PSEN1: variants seen among roughly 807,000 people sequenced by gnomAD.
PSEN1 encodes the protein presenilin 1.
PSEN1 carries 15 observed loss-of-function variants against 53.5 expected under a neutral mutation model. The ratio of observed to expected loss-of-function variants is 0.28; its 90% CI spans 0.19 to 0.43. The LOEUF is 0.43. Among genes scored for constraint, PSEN1 ranks in the 20% least tolerant of loss-of-function variants. PSEN1 has a pLI of 1.00. For synonymous variants in PSEN1, 208 were observed against 209.8 expected (o/e 0.99, Z 0.08); for missense variants, 387 against 571.2 (o/e 0.68, Z 3.29).
At chr14:73,151,826 C>G (rs1897232056) in intron 3 of PSEN1, among the ~76,000 whole-genome samples, 2 of 148,604 alleles carry the variant, frequency 1.3e-5, no homozygotes, top group Non-Finnish European at 3.0e-5. Flanking sequence ...GTCTTGGCCT[C>G]CCAAAGTGCT....
chr14:73,218,460 C>T (rs1032015598), intron 11 of PSEN1, among the ~76,000 whole-genome samples: 1 of 152,030 alleles, frequency 6.6e-6, no homozygotes, highest in African/African-American at 2.4e-5. Flanking sequence ...TTATCTTGGC[C>T]GGGTGAAGAC....
intron 3 of PSEN1, among the ~76,000 whole-genome samples, 154 bp downstream of exon 3, chr14:73,148,260 A>G (rs1897126288): frequency 6.6e-6 from 1 of 152,244 alleles, no homozygotes; most frequent in Admixed American, 6.5e-5. Flanking sequence ...GCTGGAGGAC[A>G]CAGGGCTGTT....
At chr14:73,151,894 A>ATATT (rs1566619471) in intron 3 of PSEN1, among the ~76,000 whole-genome samples, 7 of 38,954 alleles carry the variant, frequency 1.8e-4, no homozygotes, top group South Asian at 1.3e-3. Context: ...ATATATATAT[A>ATATT]TTTTTTTTTT....
intron 4 of PSEN1, 144 bp downstream of exon 4, chr14:73,171,191 G>T: frequency 1.1e-6 from 1 of 938,180 alleles, no homozygotes. Context: ...GAGCAGTTGA[G>T]AGAGCGAGGG....
rs1194501598 is a variant in PSEN1, at chr14:73,184,871, G to A, written c.481-1982G>A. 2.8e-5 allele frequency among the ~76,000 whole-genome samples: 4 copies of A among 145,256 alleles called. No individual in the cohort carries two copies. The East Asian group carries it at 8.4e-4, about 30-fold the overall frequency. ...AGACGGGGCGGCTGCCGGGCGGAGG[G>A]GCTCCTCACTTCTCAGACGGGGCGG... On this transcript the variant is annotated intron_variant, in intron 5 of 11. Transcript: ENST00000324501.
At chr14:73,190,242 A>G (rs1898665171) in intron 6 of PSEN1, among the ~76,000 whole-genome samples, 1 of 151,818 alleles carries the variant, frequency 6.6e-6, no homozygotes, top group South Asian at 2.1e-4. Flanking sequence ...AATCTCACCT[A>G]TTTGGGAGGC....
chr14:73,221,881 T>A lies in PSEN1; in HGVS notation c.*2592T>A, dbSNP rs527811026. 6.6e-6 allele frequency: 1 copy of A among 152,262 alleles called. No homozygotes were observed. The highest frequency in any genetic ancestry group is 1.9e-4 in the East Asian group (1 of 5,190). 9.4% of individuals were successfully genotyped at this position (152,262 alleles called of 1,614,324 possible). On this transcript the variant is annotated 3_prime_UTR_variant, in exon 12 of 12. Transcript: ENST00000324501. ...GCCTTCACTCACACGGGACAGGCGG[T>A]GGTTATAGAGTCGGGCAAAACCAGC...
chr14:73,177,383 T>G (rs894141035), intron 5 of PSEN1, among the ~76,000 whole-genome samples: 5 of 151,682 alleles, frequency 3.3e-5, no homozygotes, highest in South Asian at 2.1e-4. Flanking sequence ...TGGGGTTTTT[T>G]TGTGTGTGTG....
intron 8 of PSEN1, among the ~76,000 whole-genome samples, chr14:73,203,335 G>C (rs1456811422): frequency 6.6e-6 from 1 of 151,726 alleles, no homozygotes; most frequent in African/African-American, 2.4e-5. Context: ...TGATCTACCC[G>C]CCTCACCCTC....
In PSEN1 at chr14:73,148,095, G is replaced by T. The variant is rs1897121060; in HGVS notation, c.76G>T (p.Val26Leu). Residue 26 changes from valine to leucine, a missense_variant, in exon 3 of 12, where the codon GTA (valine) becomes TTA (leucine). Coordinates refer to ENST00000324501, the MANE Select transcript of PSEN1 (RefSeq NM_000021.4). ...TGAGGACAACCACCTGAGCAATACT[G>T]TACGTAGCCAGGTACAGTGTCAGTC... is the stretch of plus-strand genomic sequence containing the variant. Reference protein sequence around the residue: ...MSEDNHLSNTVRSQNDNRERQ... With the variant: ...MSEDNHLSNTLRSQNDNRERQ... 1 of 1,612,702 alleles carries T rather than the reference G, an allele frequency of 6.2e-7. No individual in the cohort carries two copies.
intron 6 of PSEN1, 53 bp from the exon 7 acceptor site, chr14:73,192,591 G>A: frequency 8.0e-7 from 1 of 1,251,952 alleles, no homozygotes; most frequent in Non-Finnish European, 1.2e-6. Flanking sequence ...TCTAAATAAT[G>A]TTTTGGTGAA....
At chr14:73,177,958 T>G (rs1189146539) in intron 5 of PSEN1, among the ~76,000 whole-genome samples, 1 of 151,750 alleles carries the variant, frequency 6.6e-6, no homozygotes, top group Admixed American at 6.6e-5. Flanking sequence ...TGTACCACAT[T>G]CTTTACTCTT....
chr14:73,192,704 G>A lies in PSEN1; in HGVS notation c.609G>A (p.Trp203Ter). ...VDYITVALLI[W>*]NFGVVGMISI... ...ACATTACTGTTGCACTCCTGATCTG[G>A]AATTTTGGTGTGGTGGGAATGATTT... is the stretch of plus-strand genomic sequence containing the variant. Residue 203 changes from tryptophan to a stop codon, truncating the protein, a stop_gained, in exon 7 of 12, where the codon TGG becomes TGA. Transcript: ENST00000324501. LOFTEE classifies it high-confidence loss of function. 1 of 1,614,050 alleles carries A rather than the reference G, an allele frequency of 6.2e-7. No individual in the cohort carries two copies. The highest frequency in any genetic ancestry group is 8.5e-7 in the Non-Finnish European group (1 of 1,179,998).
chr14:73,180,247 A>C (rs979310998), intron 5 of PSEN1, among the ~76,000 whole-genome samples: 4 of 152,288 alleles, frequency 2.6e-5, no homozygotes, highest in Admixed American at 2.6e-4. Flanking sequence ...GGCCTCCCAA[A>C]GTGCTGGGAC....
At chr14:73,200,002 C>T (rs1380929782) in intron 8 of PSEN1, among the ~76,000 whole-genome samples, 2 of 152,106 alleles carry the variant, frequency 1.3e-5, no homozygotes, top group African/African-American at 2.4e-5. Flanking sequence ...CTGCCTAGGC[C>T]TCCCAAAATG....
At chr14:73,188,937 C>T (rs1476684288) in intron 6 of PSEN1, among the ~76,000 whole-genome samples, 3 of 151,964 alleles carry the variant, frequency 2.0e-5, no homozygotes, top group Non-Finnish European at 2.9e-5. Context: ...ATTACAGGCA[C>T]CTGCCACTAT....
At chr14:73,172,634 T>A (rs1484187909) in intron 4 of PSEN1, among the ~76,000 whole-genome samples, 2 of 152,266 alleles carry the variant, frequency 1.3e-5, no homozygotes, top group Non-Finnish European at 2.9e-5. Flanking sequence ...GGAGACCATA[T>A]GACCCATAGA....
At chr14:73,177,962 T>G (rs1436169154) in intron 5 of PSEN1, among the ~76,000 whole-genome samples, 1 of 151,644 alleles carries the variant, frequency 6.6e-6, no homozygotes, top group Non-Finnish European at 1.5e-5. Context: ...CCACATTCTT[T>G]ACTCTTTTTT....
intron 5 of PSEN1, among the ~76,000 whole-genome samples, chr14:73,184,861 C>T (rs1435123144): frequency 4.8e-5 from 7 of 146,702 alleles, no homozygotes; most frequent in Non-Finnish European, 9.1e-5. Flanking sequence ...GGGCGGCTGC[C>T]GGGCGGAGGG....
Sources: gnomAD v4.1 joint callset for allele counts (sites outside exome capture counted in the v4.1 genomes callset) on GRCh38, gnomAD v4.1.1 for gene constraint, MANE v1.5 for transcripts, NCBI Gene and HGNC (gene_info 2026-07-23, HGNC 2026-07-21) for gene names.